CRISPLD2: variants seen among roughly 807,000 people sequenced by gnomAD.
CRISPLD2 encodes the protein cysteine rich secretory protein LCCL domain containing 2, also known as cysteine-rich secretory protein LCCL domain-containing 2.
Under a neutral mutation model 71.1 loss-of-function variants are expected in CRISPLD2, and 47 were observed. The ratio of observed to expected loss-of-function variants is 0.66; its 90% CI spans 0.52 to 0.84. CRISPLD2 has a LOEUF of 0.84. Among genes scored for constraint, CRISPLD2 ranks in the 40% least tolerant of loss-of-function variants. The pLI is 0.00. For synonymous variants in CRISPLD2, 317 were observed against 250.1 expected, an observed-to-expected ratio of 1.27 and a Z score of -2.52; for missense variants, 830 against 651.1, an observed-to-expected ratio of 1.27 and a Z score of -2.99.
At position 84,849,513 on chromosome 16, in the gene CRISPLD2, C is replaced by T; in HGVS notation, c.488C>T (p.Thr163Ile). The change falls in exon 4 of 15, where the codon ACA becomes ATA. Residue 163 changes from threonine to isoleucine, a missense_variant. Physicochemically the swap from Thr to Ile is moderately conservative, Grantham distance 89 (BLOSUM62 -1). Coordinates refer to ENST00000262424, the MANE Select transcript of CRISPLD2 (RefSeq NM_031476.4). ...RCSGPMCTHY[T>I]QIVWATTNKI... ...TCGGGGCCCATGTGCACGCACTACA[C>T]ACAGGTAACTCGGGGACTTGCCACG... is the stretch of plus-strand genomic sequence containing the variant. 2.5e-6 allele frequency: 4 copies of T among 1,613,962 alleles called. No individual in the cohort carries two copies. Among genetic ancestry groups the T allele is most frequent in the Non-Finnish European group, 3.4e-6 (4 of 1,179,910 alleles).
At chr16:84,833,540 C>A (rs1916538918) in intron 1 of CRISPLD2, among the ~76,000 whole-genome samples, 1 of 152,138 alleles carries the variant, frequency 6.6e-6, no homozygotes, top group Admixed American at 6.5e-5. Context: ...GGTAGAAGAG[C>A]AGAGTTAGAG....
At chr16:84,901,013 G>GCACACACACACA (rs3222775) in intron 14 of CRISPLD2, among the ~76,000 whole-genome samples, 1 of 140,100 alleles carries the variant, frequency 7.1e-6, no homozygotes, top group Admixed American at 7.3e-5. Context: ...TGGTGTCACT[G>GCACACACACACA]CACACACACA....
At chr16:84,890,344 G>C (rs901928525) in intron 14 of CRISPLD2, among the ~76,000 whole-genome samples, 1 of 150,170 alleles carries the variant, frequency 6.7e-6, no homozygotes, top group Non-Finnish European at 1.5e-5. Flanking sequence ...GGGCGACAGA[G>C]TGAGACTCCA....
chr16:84,830,474 C>T (rs971481587), intron 1 of CRISPLD2, among the ~76,000 whole-genome samples: 9 of 152,166 alleles, frequency 5.9e-5, no homozygotes, highest in Admixed American at 1.3e-4. Context: ...GAGGCCGAGG[C>T]GGGTGGATTG....
intron 14 of CRISPLD2, among the ~76,000 whole-genome samples, chr16:84,896,028 A>G (rs567665297): frequency 2.0e-5 from 3 of 152,052 alleles, no homozygotes; most frequent in Non-Finnish European, 4.4e-5. Context: ...CTGGGAGAAC[A>G]AGATTGGAAT....
chr16:84,896,711 G>C (rs2071709506), intron 14 of CRISPLD2, among the ~76,000 whole-genome samples: 1 of 152,044 alleles, frequency 6.6e-6, no homozygotes, highest in Non-Finnish European at 1.5e-5. Context: ...GGGTTTATCA[G>C]GACGCGACCC....
chr16:84,868,500 A>G lies in CRISPLD2; in HGVS notation c.854-351A>G, dbSNP rs1264966664. Reference sequence around the variant, plus strand: ...CTGCCCTGCAGAGCCCTGTGGGACCACAGGCACATCGTGTGTGCCAGGCAC... The same window carrying G: ...CTGCCCTGCAGAGCCCTGTGGGACCGCAGGCACATCGTGTGTGCCAGGCAC... On this transcript the variant is annotated intron_variant, in intron 7 of 14. Transcript: ENST00000262424. 2.0e-5 allele frequency among the ~76,000 whole-genome samples: 3 copies of G among 152,178 alleles called. No homozygotes were observed. The East Asian group carries it at 5.8e-4, about 29-fold the overall frequency.
intron 6 of CRISPLD2, among the ~76,000 whole-genome samples, chr16:84,861,924 C>T (rs978090837): frequency 2.6e-5 from 4 of 152,040 alleles, no homozygotes; most frequent in Non-Finnish European, 5.9e-5. Context: ...AGCGAGACCC[C>T]AACTCTAAAA....
chr16:84,907,849 G>A lies in CRISPLD2; in HGVS notation c.*1207G>A, dbSNP rs2071818499. ...ACGACTCTTGCCAAACGTTCCCGAGGCGCCAAGGAGTGTAGTACACCCTGG... is the reference window on the plus strand; with the variant it reads ...ACGACTCTTGCCAAACGTTCCCGAGACGCCAAGGAGTGTAGTACACCCTGG... On this transcript the variant is annotated 3_prime_UTR_variant, in exon 15 of 15. Coordinates refer to ENST00000262424, the MANE Select transcript of CRISPLD2 (RefSeq NM_031476.4). The A allele has an allele frequency of 6.6e-6, 1 of 152,182 alleles. No individual in the cohort carries two copies. 9.4% of individuals were successfully genotyped at this position (152,182 alleles called of 1,614,324 possible). A position where few individuals can be genotyped will look rare whatever the true frequency, so the allele number is the denominator to read the frequency against.
intron 14 of CRISPLD2, among the ~76,000 whole-genome samples, chr16:84,899,882 C>A (rs1010015414): frequency 6.6e-6 from 1 of 152,168 alleles, no homozygotes; most frequent in Non-Finnish European, 1.5e-5. Context: ...GGGACACAGA[C>A]CCCTGGTAAT....
At chr16:84,874,974 C>T (rs1290901852) in intron 11 of CRISPLD2, among the ~76,000 whole-genome samples, 3 of 152,148 alleles carry the variant, frequency 2.0e-5, no homozygotes, top group African/African-American at 7.2e-5. Flanking sequence ...GATGCAGCAG[C>T]TGACACCTGT....
chr16:84,902,146 C>T (rs1263294118), intron 14 of CRISPLD2, among the ~76,000 whole-genome samples: 2 of 150,856 alleles, frequency 1.3e-5, no homozygotes, highest in African/African-American at 5.0e-5. Context: ...AGGCGCCATG[C>T]TGCCTTCTAG....
intron 13 of CRISPLD2, among the ~76,000 whole-genome samples, chr16:84,885,459 C>T (rs1009029432): frequency 2.0e-5 from 3 of 152,208 alleles, no homozygotes; most frequent in Non-Finnish European, 4.4e-5. Context: ...GGCCGGCCAT[C>T]CCCGGTTTGC....
At chr16:84,890,969 G>A (rs1273213521) in intron 14 of CRISPLD2, among the ~76,000 whole-genome samples, 1 of 152,148 alleles carries the variant, frequency 6.6e-6, no homozygotes, top group Admixed American at 6.5e-5. Flanking sequence ...ATCTCGCCCT[G>A]TTGGCCAGGC....
intron 5 of CRISPLD2, among the ~76,000 whole-genome samples, chr16:84,851,131 G>A (rs1917078199): frequency 6.6e-6 from 1 of 152,220 alleles, no homozygotes; most frequent in Non-Finnish European, 1.5e-5. Flanking sequence ...TGCTGGCTGG[G>A]CAACCAGCAT....
At chr16:84,837,923 C>T (rs193186424) in intron 1 of CRISPLD2, among the ~76,000 whole-genome samples, 16 of 152,250 alleles carry the variant, frequency 1.1e-4, no homozygotes, top group East Asian at 7.7e-4. Flanking sequence ...GGGCCCGGGG[C>T]GAGGGCCGTG....
intron 2 of CRISPLD2, chr16:84,839,914 G>T: frequency 6.6e-6 from 1 of 152,464 alleles, no homozygotes; most frequent in Non-Finnish European, 1.5e-5. Context: ...GTGGGGGGTG[G>T]GAGCTGAGGA....
At chr16:84,896,020 G>C (rs1232142117) in intron 14 of CRISPLD2, among the ~76,000 whole-genome samples, 1 of 152,010 alleles carries the variant, frequency 6.6e-6, no homozygotes, top group African/African-American at 2.4e-5. Flanking sequence ...GTGAGACTCT[G>C]GGAGAACAAG....
intron 8 of CRISPLD2, 126 bp downstream of exon 8, chr16:84,869,037 C>A: frequency 1.3e-6 from 1 of 783,964 alleles, no homozygotes; most frequent in Non-Finnish European, 2.0e-6. Context: ...CTGCTCTCAG[C>A]AGGCAGAACA....
Sources: gnomAD v4.1 joint callset for allele counts (sites outside exome capture counted in the v4.1 genomes callset) on GRCh38, gnomAD v4.1.1 for gene constraint, MANE v1.5 for transcripts, NCBI Gene and HGNC (gene_info 2026-07-23, HGNC 2026-07-21) for gene names.